ENTREP2: variants seen among roughly 807,000 people sequenced by gnomAD.
ENTREP2 encodes the protein endosomal transmembrane epsin interactor 2, also known as protein ENTREP2.
At chr15:29,152,923 G>A in the ENTREP2 span, among the ~76,000 whole-genome samples, 1 of 152,194 alleles carries the variant, frequency 6.6e-6, no homozygotes, top group Non-Finnish European at 1.5e-5. Flanking sequence ...ATGAGTGATT[G>A]GGTTTCTCTG....
the ENTREP2 span, among the ~76,000 whole-genome samples, chr15:29,262,769 G>C: frequency 1.3e-5 from 2 of 152,270 alleles, no homozygotes; most frequent in African/African-American, 4.8e-5. Flanking sequence ...GAAGACCATT[G>C]GTCAAAAGTT....
chr15:29,370,430 T>C, the ENTREP2 span, among the ~76,000 whole-genome samples: 1 of 152,160 alleles, frequency 6.6e-6, no homozygotes, highest in Non-Finnish European at 1.5e-5. Context: ...AGAACAATTA[T>C]AGACATATTT....
chr15:29,444,248 A>AAAG, the ENTREP2 span, among the ~76,000 whole-genome samples: 1 of 147,960 alleles, frequency 6.8e-6, no homozygotes, highest in African/African-American at 2.5e-5. Flanking sequence ...GAAAGAAAGA[A>AAAG]AGAGAAAGAG....
chr15:29,516,217 T>C, the ENTREP2 span, among the ~76,000 whole-genome samples: 1 of 152,080 alleles, frequency 6.6e-6, no homozygotes, highest in African/African-American at 2.4e-5. Flanking sequence ...CAGCCAAGTT[T>C]GAGATTCAGT....
the ENTREP2 span, among the ~76,000 whole-genome samples, chr15:29,200,022 G>A: frequency 6.6e-6 from 1 of 151,932 alleles, no homozygotes; most frequent in Non-Finnish European, 1.5e-5. Context: ...AAATTAGTCG[G>A]GCATATTTGT....
chr15:29,483,867 A>AT, the ENTREP2 span, among the ~76,000 whole-genome samples: 2 of 152,192 alleles, frequency 1.3e-5, no homozygotes, highest in Non-Finnish European at 1.5e-5. Flanking sequence ...AAAATGATTG[A>AT]TTTTATTAGT....
chr15:29,394,882 CTTTTT>C, the ENTREP2 span, among the ~76,000 whole-genome samples: 5 of 95,890 alleles, frequency 5.2e-5, no homozygotes, highest in Non-Finnish European at 7.5e-5. Flanking sequence ...GTCAGAATCT[CTTTTT>C]TTTTTTTTTT....
the ENTREP2 span, among the ~76,000 whole-genome samples, chr15:29,630,933 C>T: frequency 5.3e-5 from 8 of 152,168 alleles, no homozygotes; most frequent in Admixed American, 2.0e-4. Flanking sequence ...TCCCCCGCCT[C>T]GGCCTCTCAA....
the ENTREP2 span, among the ~76,000 whole-genome samples, chr15:29,559,770 A>G: frequency 6.6e-6 from 1 of 152,164 alleles, no homozygotes; most frequent in Non-Finnish European, 1.5e-5. Flanking sequence ...ATAATCCAGG[A>G]TAGTCTCCCT....
the ENTREP2 span, among the ~76,000 whole-genome samples, chr15:29,643,795 A>AAGAAAG: frequency 1.5e-4 from 22 of 148,148 alleles, no homozygotes; most frequent in Admixed American, 8.7e-4. Context: ...AAAAAAAAAA[A>AAGAAAG]AAAGAAAGAA....
the ENTREP2 span, among the ~76,000 whole-genome samples, chr15:29,480,126 T>C: frequency 6.6e-6 from 1 of 152,234 alleles, no homozygotes; most frequent in South Asian, 2.1e-4. Context: ...CTCTGCTTTT[T>C]TTCCCTTCTA....
chr15:29,568,363 G>T, the ENTREP2 span, among the ~76,000 whole-genome samples: 32 of 152,124 alleles, frequency 2.1e-4, no homozygotes, highest in African/African-American at 7.7e-4. Flanking sequence ...TAGGAGAACT[G>T]TGTGGAATTG....
At chr15:29,165,190 T>A in the ENTREP2 span, among the ~76,000 whole-genome samples, 24 of 152,016 alleles carry the variant, frequency 1.6e-4, 1 homozygote, top group South Asian at 4.8e-3. Context: ...AAGAGGAAAG[T>A]TCATAGCCCT....
the ENTREP2 span, among the ~76,000 whole-genome samples, chr15:29,192,863 T>C: frequency 1.5e-4 from 23 of 152,202 alleles, no homozygotes; most frequent in African/African-American, 4.8e-4. Context: ...AGATAATGTA[T>C]AGCAACATCT....
the ENTREP2 span, among the ~76,000 whole-genome samples, chr15:29,178,783 A>G: frequency 2.6e-5 from 4 of 152,152 alleles, no homozygotes; most frequent in Admixed American, 1.3e-4. Flanking sequence ...TCCTTATCTA[A>G]GACAAGATTA....
the ENTREP2 span, among the ~76,000 whole-genome samples, chr15:29,591,155 C>T: frequency 2.6e-5 from 4 of 152,306 alleles, no homozygotes; most frequent in Middle Eastern, 3.4e-3. Context: ...GAAAACTTGT[C>T]TCTTCTGGGA....
the ENTREP2 span, among the ~76,000 whole-genome samples, chr15:29,256,754 A>G: frequency 7.9e-5 from 12 of 152,220 alleles, no homozygotes; most frequent in Non-Finnish European, 1.6e-4. Context: ...TTCCAAAGTC[A>G]GGTCCATAAA....
chr15:29,501,783 A>T, the ENTREP2 span, among the ~76,000 whole-genome samples: 1 of 152,036 alleles, frequency 6.6e-6, no homozygotes, highest in Non-Finnish European at 1.5e-5. Flanking sequence ...AAAACCCTAA[A>T]TAATAAACAC....
At chr15:29,627,269 G>A in the ENTREP2 span, among the ~76,000 whole-genome samples, 4 of 152,242 alleles carry the variant, frequency 2.6e-5, no homozygotes, top group Admixed American at 2.0e-4. Context: ...GTTAGGCCAG[G>A]CGTGGTGGCT....
Sources: gnomAD v4.1 joint callset for allele counts (sites outside exome capture counted in the v4.1 genomes callset) on GRCh38, gnomAD v4.1.1 for gene constraint, MANE v1.5 for transcripts, NCBI Gene and HGNC (gene_info 2026-07-23, HGNC 2026-07-21) for gene names.